DNAJC11: variants seen among roughly 807,000 people sequenced by gnomAD.
DNAJC11 encodes the protein dnaJ homolog subfamily C member 11.
DNAJC11 carries 15 observed loss-of-function variants against 78.6 expected under a neutral mutation model. That is an observed-to-expected ratio of 0.19 (90% CI 0.13 to 0.29). The LOEUF (loss-of-function observed/expected upper bound fraction) is 0.29, where lower values mean the gene tolerates loss of function less well. Ranked by LOEUF, DNAJC11 falls within the 10% of genes least tolerant of loss-of-function variation. The pLI, the probability that DNAJC11 is intolerant of heterozygous loss-of-function variation, is 1.00. For synonymous variants in DNAJC11, 292 were observed against 272.1 expected, an observed-to-expected ratio of 1.07 and a Z score of -0.72; for missense variants, 547 against 709.6, an observed-to-expected ratio of 0.77 and a Z score of 2.60.
At chr1:6,667,965 C>T (rs371206165) in intron 3 of DNAJC11, among the ~76,000 whole-genome samples, 155 bp from the exon 4 acceptor site, 15 of 152,212 alleles carry the variant, frequency 9.9e-5, no homozygotes, top group African/African-American at 3.6e-4. Context: ...TGAGTTCCAC[C>T]ATCCGATGGC....
intron 4 of DNAJC11, among the ~76,000 whole-genome samples, chr1:6,657,294 G>A (rs2148735633): frequency 6.6e-6 from 1 of 152,322 alleles, no homozygotes. Flanking sequence ...AGAGACTGCT[G>A]TTGGCAAGGA....
At position 6,645,094 on chromosome 1, in the gene DNAJC11, G is replaced by A; in HGVS notation, c.927C>T (p.Ser309=). 1.2e-6 allele frequency: 2 copies of A among 1,614,026 alleles called. No individual in the cohort carries two copies. The highest frequency in any genetic ancestry group is 1.7e-6 in the Non-Finnish European group (2 of 1,179,940). Reference sequence around the variant, plus strand: ...CGTCATCTTGGAATTTGTGCTGATAGCTGATCAGTGCAAAGGAGTGAGGGA... The same window carrying A: ...CGTCATCTTGGAATTTGTGCTGATAACTGATCAGTGCAAAGGAGTGAGGGA... ...LGIPHSFALI[S]YQHKFQDDDQ... The change falls in exon 9 of 16, where the codon AGC becomes AGT. Residue 309 remains serine (S), a synonymous_variant. Coordinates refer to ENST00000377577, the MANE Select transcript of DNAJC11 (RefSeq NM_018198.4). This position sits in a 1 kb window ranked among gnomAD's most constrained non-coding sequence, Gnocchi z 4.1.
At chr1:6,679,336 T>C (rs1469414251) in intron 2 of DNAJC11, among the ~76,000 whole-genome samples, 1 of 152,168 alleles carries the variant, frequency 6.6e-6, no homozygotes, top group Admixed American at 6.5e-5. Flanking sequence ...GACAAAAACA[T>C]CTCTTATCAT....
At chr1:6,687,449 C>T (rs1179585326) in intron 1 of DNAJC11, among the ~76,000 whole-genome samples, 5 of 151,492 alleles carry the variant, frequency 3.3e-5, no homozygotes, top group African/African-American at 7.3e-5. Context: ...CTCCGCCTCC[C>T]GGGTTCATGC....
intron 1 of DNAJC11, among the ~76,000 whole-genome samples, chr1:6,700,211 C>T (rs1056019034): frequency 1.3e-5 from 2 of 152,172 alleles, no homozygotes; most frequent in Non-Finnish European, 2.9e-5. Context: ...TGAGAATGTA[C>T]TTTGTGAGAT....
At chr1:6,699,710 A>C (rs1267662502) in intron 1 of DNAJC11, among the ~76,000 whole-genome samples, 1 of 152,206 alleles carries the variant, frequency 6.6e-6, no homozygotes, top group African/African-American at 2.4e-5. Context: ...CTATGTAACA[A>C]ACCTGCACGT....
chr1:6,678,195 C>G (rs1413820030), intron 3 of DNAJC11, among the ~76,000 whole-genome samples, 199 bp downstream of exon 3: 1 of 152,218 alleles, frequency 6.6e-6, no homozygotes, highest in Non-Finnish European at 1.5e-5. Context: ...AGATGAGTGG[C>G]TGGCCCAAGT....
At chr1:6,660,303 C>A (rs535326141) in intron 4 of DNAJC11, among the ~76,000 whole-genome samples, 25 of 151,572 alleles carry the variant, frequency 1.6e-4, no homozygotes, top group Non-Finnish European at 1.5e-4. Flanking sequence ...ACTACAGGAG[C>A]ACGTCACCAA....
Position 6,645,904 on chromosome 1 carries a change from C to T in DNAJC11, c.779G>A (p.Arg260Gln), listed in dbSNP as rs776277362. ...GCCCACGGTGTTCTTGTCTAGGTTC[C>T]GAGCTAGGACAGTGGTCAGGCCGGG... The part of the protein sequence containing the change: ...IRPGLTTVLA[R>Q]NLDKNTVGYL... Residue 260 changes from arginine (R) to glutamine (Q), a missense_variant, in exon 8 of 16, where the codon CGG becomes CAG. By Grantham distance (43) the Arg-to-Gln change is conservative. Coordinates refer to ENST00000377577, the MANE Select transcript of DNAJC11 (RefSeq NM_018198.4). The surrounding 1 kb of genome is among the most constrained non-coding windows in gnomAD (Gnocchi z 4.1). 8.7e-6 allele frequency: 14 copies of T among 1,614,146 alleles called. No homozygotes were observed. The highest frequency in any genetic ancestry group is 5.5e-5 in the South Asian group (5 of 91,086).
At chr1:6,685,285 C>T (rs1407220819) in intron 1 of DNAJC11, among the ~76,000 whole-genome samples, 5 of 152,190 alleles carry the variant, frequency 3.3e-5, no homozygotes, top group African/African-American at 7.2e-5. Flanking sequence ...TCTGAGACCC[C>T]TTCAGGGATC....
chr1:6,637,171 A>G (rs2148726098), intron 14 of DNAJC11, 27 bp downstream of exon 14: 3 of 1,613,648 alleles, frequency 1.9e-6, no homozygotes, highest in Non-Finnish European at 2.5e-6. Context: ...GTGAGCACAT[A>G]GCATGTGGTG....
intron 3 of DNAJC11, among the ~76,000 whole-genome samples, chr1:6,676,854 A>T (rs1022911250): frequency 6.6e-6 from 1 of 152,128 alleles, no homozygotes; most frequent in Non-Finnish European, 1.5e-5. Flanking sequence ...TGGAAGAGAC[A>T]GGCACGCATG....
At chr1:6,658,388 C>T (rs1642162304) in intron 4 of DNAJC11, among the ~76,000 whole-genome samples, 2 of 152,190 alleles carry the variant, frequency 1.3e-5, no homozygotes, top group African/African-American at 2.4e-5. Context: ...TCTGGGTCAA[C>T]TGAGTAATTA....
intron 1 of DNAJC11, among the ~76,000 whole-genome samples, chr1:6,695,574 G>A (rs139274000): frequency 0.018 from 2,525 of 137,144 alleles, 63 homozygotes; most frequent in African/African-American, 0.064. Context: ...GATGGATCAC[G>A]ACGTCAGGAG....
At chr1:6,678,321 G>T in intron 3 of DNAJC11, 73 bp downstream of exon 3, 3 of 1,319,582 alleles carry the variant, frequency 2.3e-6, no homozygotes, top group Non-Finnish European at 3.3e-6. Flanking sequence ...ATTACAGATT[G>T]CAGGGTTTTG....
intron 4 of DNAJC11, among the ~76,000 whole-genome samples, chr1:6,661,059 T>G (rs1642204437): frequency 1.3e-5 from 2 of 152,244 alleles, no homozygotes; most frequent in African/African-American, 4.8e-5. Context: ...ACGTGCCAGG[T>G]GTACAGTGTG....
At chr1:6,640,146 G>C (rs549677518) in intron 10 of DNAJC11, 89 bp from the exon 11 acceptor site, 2 of 1,434,816 alleles carry the variant, frequency 1.4e-6, no homozygotes, top group Admixed American at 5.4e-5. Context: ...CACAGGAAGA[G>C]AACTTGTGCT....
chr1:6,681,107 T>A (rs562092782), intron 1 of DNAJC11, 70 bp from the exon 2 acceptor site: 1 of 1,507,948 alleles, frequency 6.6e-7, no homozygotes, highest in African/African-American at 1.4e-5. Context: ...AGAATCAGCC[T>A]TGAAATGGGA....
intron 12 of DNAJC11, chr1:6,637,895 G>GT (rs2148726455): frequency 2.4e-6 from 1 of 411,428 alleles, no homozygotes; most frequent in South Asian, 2.7e-5. Context: ...AAGGACCTGT[G>GT]TTCTCCTGTG....
Sources: gnomAD v4.1 joint callset for allele counts (sites outside exome capture counted in the v4.1 genomes callset) on GRCh38, gnomAD v4.1.1 for gene constraint, Gnocchi (gnomAD v3.1) non-coding constraint, MANE v1.5 for transcripts, NCBI Gene and HGNC (gene_info 2026-07-23, HGNC 2026-07-21) for gene names.